HRH1: variants seen among roughly 807,000 people sequenced by gnomAD.
HRH1 encodes the protein histamine receptor H1.
Under a neutral mutation model 10.3 loss-of-function variants are expected in HRH1, and 6 were observed. That is an observed-to-expected ratio of 0.58 (90% CI 0.32 to 1.15). The LOEUF is 1.15. HRH1 is among the 50% of genes most tolerant of loss of function. The pLI is 0.05. For missense variants in HRH1, 514 were observed against 615.3 expected (o/e 0.84, Z 1.74); for synonymous variants, 242 against 236.7 (o/e 1.02, Z -0.21).
intron 1 of HRH1, among the ~76,000 whole-genome samples, chr3:11,181,440 G>T (rs1937350791): frequency 6.6e-6 from 1 of 152,106 alleles, no homozygotes; most frequent in Non-Finnish European, 1.5e-5. Context: ...TGAAGATTCT[G>T]ATTTCTCCAC....
chr3:11,243,972 G>A (rs1939413846), intron 1 of HRH1, among the ~76,000 whole-genome samples: 2 of 152,222 alleles, frequency 1.3e-5, no homozygotes, highest in South Asian at 4.1e-4. Flanking sequence ...GTCAGGGACA[G>A]TGTATCAATT....
chr3:11,241,157 T>C lies in HRH1; in HGVS notation c.-35-17846T>C, dbSNP rs1000576336. On this transcript the variant is annotated intron_variant, in intron 1 of 1. Coordinates refer to ENST00000431010, the MANE Select transcript of HRH1 (RefSeq NM_001098212.2). ...ATCTCATTGTTGAAATCCTGAGAAA[T>C]ACCAAATATAATAAGTATCATCCAG... is the stretch of plus-strand genomic sequence containing the variant. Among the ~76,000 whole-genome samples the C allele has an allele frequency of 2.6e-5, 4 of 152,170 alleles. No homozygotes were observed. The East Asian group carries it at 7.7e-4, about 29-fold the overall frequency.
intron 1 of HRH1, among the ~76,000 whole-genome samples, chr3:11,174,220 C>G (rs1235885194): frequency 6.6e-6 from 1 of 152,192 alleles, no homozygotes; most frequent in Non-Finnish European, 1.5e-5. Context: ...CTGTGAAGTT[C>G]TTTAGGGAAG....
rs757853073 is a variant in HRH1 at position 11,259,448 on chromosome 3, G to A, written c.411G>A (p.Lys137=). The part of the protein sequence containing the change: ...RSVQQPLRYL[K]YRTKTRASAT... ...TCCAGCAGCCCCTCAGGTACCTTAA[G>A]TATCGTACCAAGACCCGAGCCTCGG... Residue 137 remains lysine (K), a synonymous_variant, in exon 2 of 2, where the codon AAG becomes AAA. Coordinates refer to ENST00000431010, the MANE Select transcript of HRH1 (RefSeq NM_001098212.2). This position sits in a 1 kb window ranked among gnomAD's most constrained non-coding sequence, Gnocchi z 4.6. 2 of 1,613,808 alleles carry A rather than the reference G, an allele frequency of 1.2e-6. No homozygotes were observed. Among genetic ancestry groups the A allele is most frequent in the Non-Finnish European group, 1.7e-6 (2 of 1,179,944 alleles).
chr3:11,230,884 TG>T (rs759061716), intron 1 of HRH1, among the ~76,000 whole-genome samples: 11 of 152,176 alleles, frequency 7.2e-5, no homozygotes, highest in Non-Finnish European at 1.3e-4. Context: ...TTTCCTCCAG[TG>T]GTAGCATATT....
intron 1 of HRH1, among the ~76,000 whole-genome samples, chr3:11,216,049 T>C (rs995217481): frequency 6.6e-6 from 1 of 152,216 alleles, no homozygotes; most frequent in Admixed American, 6.5e-5. Flanking sequence ...TTGCATGTAG[T>C]TCCCAGTTTG....
At chr3:11,150,167 T>G (rs1288439681), upstream of HRH1, among the ~76,000 whole-genome samples, 1 of 152,214 alleles carries the variant, frequency 6.6e-6, no homozygotes, top group Non-Finnish European at 1.5e-5. Flanking sequence ...GTAATACAAA[T>G]TTGCTAAAGA....
chr3:11,181,694 C>T (rs910159317), intron 1 of HRH1, among the ~76,000 whole-genome samples: 9 of 144,250 alleles, frequency 6.2e-5, no homozygotes, highest in Non-Finnish European at 8.9e-5. Context: ...CGCAGTGGCG[C>T]GATCTTAGCT....
At chr3:11,179,248 ACTGCACTCCAG>A (rs1382819568) in intron 1 of HRH1, among the ~76,000 whole-genome samples, 2 of 152,210 alleles carry the variant, frequency 1.3e-5, no homozygotes, top group Admixed American at 1.3e-4. Context: ...AGATCGCGCC[ACTGCACTCCAG>A]CCTGGGCTAC....
chr3:11,168,932 T>C (rs7648060), intron 1 of HRH1, among the ~76,000 whole-genome samples: 121,143 of 152,194 alleles, frequency 0.8, 48,903 homozygotes, highest in African/African-American at 0.93. Flanking sequence ...TAAATCCCCA[T>C]AGCCCCACAG....
chr3:11,226,454 C>T (rs186101902), intron 1 of HRH1: 2 of 152,354 alleles, frequency 1.3e-5, no homozygotes, highest in African/African-American at 4.8e-5. Flanking sequence ...GCAGGTGATG[C>T]TGTAGCTGGC....
At chr3:11,163,788 C>T (rs1054541205) in intron 1 of HRH1, among the ~76,000 whole-genome samples, 1 of 152,158 alleles carries the variant, frequency 6.6e-6, no homozygotes, top group Non-Finnish European at 1.5e-5. Context: ...ACACCTCTCT[C>T]TCTCTTTTCA....
intron 1 of HRH1, among the ~76,000 whole-genome samples, chr3:11,193,113 T>C (rs1278166124): frequency 6.6e-6 from 1 of 152,226 alleles, no homozygotes; most frequent in Non-Finnish European, 1.5e-5. Context: ...AGCCAGAACA[T>C]CAACAACATC....
At chr3:11,219,838 C>A (rs553986956) in intron 1 of HRH1, among the ~76,000 whole-genome samples, 11 of 151,720 alleles carry the variant, frequency 7.3e-5, no homozygotes, top group Middle Eastern at 3.4e-3. Flanking sequence ...AAGATTTCTT[C>A]CTAAGATGAC....
In HRH1 at chr3:11,262,946, T is replaced by C. The variant is rs1019457755; in HGVS notation, c.*2445T>C. The C allele has an allele frequency of 8.4e-5, 14 of 167,232 alleles. No individual in the cohort carries two copies. The highest frequency in any genetic ancestry group is 2.1e-4 in the South Asian group (1 of 4,828). The allele number at this position is 167,232 out of a possible 1,614,324, so 10.4% of individuals were successfully genotyped here. A position where few individuals can be genotyped will look rare whatever the true frequency, so the allele number is the denominator to read the frequency against. ...CCAGGCTTTGTGTTTTATCTAATGTTATCTAATGGTATTGGTGCCATTATG... is the reference window on the plus strand; with the variant it reads ...CCAGGCTTTGTGTTTTATCTAATGTCATCTAATGGTATTGGTGCCATTATG... On this transcript the variant is annotated 3_prime_UTR_variant, in exon 2 of 2. Transcript: ENST00000431010.
intron 1 of HRH1, among the ~76,000 whole-genome samples, chr3:11,186,530 C>G (rs79770740): frequency 6.6e-6 from 1 of 152,140 alleles, no homozygotes; most frequent in African/African-American, 2.4e-5. Context: ...CCCCTTGAGC[C>G]ACTCACTGTT....
intron 1 of HRH1, among the ~76,000 whole-genome samples, chr3:11,194,875 T>C (rs1319902371): frequency 6.6e-6 from 1 of 152,240 alleles, no homozygotes; most frequent in Non-Finnish European, 1.5e-5. Flanking sequence ...TCCTGAGCAT[T>C]AAAAGCTGTG....
At chr3:11,166,996 C>T (rs1937052838) in intron 1 of HRH1, among the ~76,000 whole-genome samples, 2 of 148,510 alleles carry the variant, frequency 1.3e-5, no homozygotes, top group South Asian at 4.2e-4. Context: ...CGCATGACAT[C>T]TACTGTCCCT....
chr3:11,237,062 T>G (rs1939199636), intron 1 of HRH1, among the ~76,000 whole-genome samples: 1 of 152,224 alleles, frequency 6.6e-6, no homozygotes, highest in African/African-American at 2.4e-5. Flanking sequence ...CTCCAAGGAT[T>G]CGGAACAAAA....
Sources: gnomAD v4.1 joint callset for allele counts (sites outside exome capture counted in the v4.1 genomes callset) on GRCh38, gnomAD v4.1.1 for gene constraint, Gnocchi (gnomAD v3.1) non-coding constraint, MANE v1.5 for transcripts, NCBI Gene and HGNC (gene_info 2026-07-23, HGNC 2026-07-21) for gene names.